The following IFNLR1 variants were observed in gnomAD, a reference collection of about 807,000 sequenced individuals.
The protein encoded by IFNLR1 is CRF2-12.
In IFNLR1, 28 loss-of-function variants were observed where a neutral mutation model predicts 52.5. That is an observed-to-expected ratio of 0.53 (90% CI 0.40 to 0.73). The LOEUF (loss-of-function observed/expected upper bound fraction) is 0.73, where lower values mean the gene tolerates loss of function less well. IFNLR1 is among the 30% of genes least tolerant of loss of function. The pLI, the probability that IFNLR1 is intolerant of heterozygous loss-of-function variation, is 0.00. For missense variants in IFNLR1, 623 were observed against 659.1 expected (o/e 0.95, Z 0.60); for synonymous variants, 276 against 274.9 (o/e 1.00, Z -0.04).
intron 2 of IFNLR1, among the ~76,000 whole-genome samples, chr1:24,171,181 A>G (rs1644574615): frequency 6.6e-6 from 1 of 152,248 alleles, no homozygotes; most frequent in Admixed American, 6.5e-5. Context: ...ACAGGTAGAA[A>G]GTGAACAGCC....
Position 24,176,585 on chromosome 1 carries a change from T to G in IFNLR1, c.182+4146A>C, listed in dbSNP as rs1195714032. Among the ~76,000 whole-genome samples the G allele has an allele frequency of 7.9e-5, 12 of 152,342 alleles. No homozygotes were observed. The East Asian group carries it at 2.3e-3, about 29-fold the overall frequency. On this transcript the variant is annotated intron_variant, in intron 2 of 6. Coordinates refer to ENST00000327535, the MANE Select transcript of IFNLR1 (RefSeq NM_170743.4). ...CGCTCTTAGCTACAAACATGTCAGC[T>G]AAAAGCAGACTAGAGTTTCAGGAAA...
intron 2 of IFNLR1, among the ~76,000 whole-genome samples, chr1:24,174,788 A>G (rs1413281979): frequency 2.6e-5 from 4 of 152,180 alleles, no homozygotes. Flanking sequence ...AATGTGAGAG[A>G]AGAGATATAT....
intron 2 of IFNLR1, among the ~76,000 whole-genome samples, chr1:24,178,053 G>A (rs1261503765): frequency 1.3e-5 from 2 of 152,096 alleles, no homozygotes; most frequent in Non-Finnish European, 2.9e-5. Flanking sequence ...GGGAGGCCGA[G>A]GGGGGCAGAT....
intron 2 of IFNLR1, 55 bp downstream of exon 2, chr1:24,180,669 CCCTCCAG>C: frequency 2.4e-6 from 3 of 1,256,246 alleles, no homozygotes; most frequent in Admixed American, 1.8e-5. Flanking sequence ...CCAGAGAAGC[CCCTCCAG>C]CCCCCACCCA....
At chr1:24,160,510 T>A (rs1186825883) in intron 4 of IFNLR1, among the ~76,000 whole-genome samples, 2 of 152,242 alleles carry the variant, frequency 1.3e-5, no homozygotes, top group South Asian at 4.1e-4. Context: ...AAACTGCACA[T>A]GTGGCTTGCA....
chr1:24,182,002 C>G (rs976884854), intron 1 of IFNLR1, among the ~76,000 whole-genome samples: 1 of 152,120 alleles, frequency 6.6e-6, no homozygotes, highest in African/African-American at 2.4e-5. Flanking sequence ...AATTCAAGAC[C>G]AGTCTTGGCC....
intron 3 of IFNLR1, among the ~76,000 whole-genome samples, chr1:24,168,588 C>T (rs902857471): frequency 6.7e-6 from 1 of 150,118 alleles, no homozygotes; most frequent in Non-Finnish European, 1.5e-5. Context: ...TAAAAATAGA[C>T]TGAAAAAAAA....
chr1:24,176,647 G>A (rs1450853272), intron 2 of IFNLR1, among the ~76,000 whole-genome samples: 1 of 152,168 alleles, frequency 6.6e-6, no homozygotes, highest in African/African-American at 2.4e-5. Flanking sequence ...CAAATAAGAT[G>A]TTGAATAATC....
intron 3 of IFNLR1, among the ~76,000 whole-genome samples, chr1:24,168,825 C>A (rs188804945): frequency 5.5e-4 from 84 of 152,220 alleles, no homozygotes; most frequent in African/African-American, 2.0e-3. Context: ...CTCACTGCAA[C>A]CTCCGCCTCC....
Position 24,161,757 on chromosome 1 carries a change from C to G in IFNLR1, c.368-73G>C, listed in dbSNP as rs1644446605. The G allele has an allele frequency of 2.1e-6, 3 of 1,403,022 alleles. No individual in the cohort carries two copies. The South Asian group carries it at 4.6e-5, about 22-fold the overall frequency. The allele number at this position is 1,403,022 out of a possible 1,614,324, so 86.9% of individuals were successfully genotyped here. A position where few individuals can be genotyped will look rare whatever the true frequency, so the allele number is the denominator to read the frequency against. On this transcript the variant is annotated intron_variant, in intron 3 of 6. Coordinates refer to ENST00000327535, the MANE Select transcript of IFNLR1 (RefSeq NM_170743.4). ...GCCTCCATCCCCCAAGACCAGAGAG[C>G]TCTCTTGGAAATGGAAAAGCAACTA...
intron 2 of IFNLR1, among the ~76,000 whole-genome samples, chr1:24,173,095 G>A (rs1028221863): frequency 5.5e-5 from 8 of 145,780 alleles, no homozygotes; most frequent in African/African-American, 2.1e-4. Context: ...CTGATATACT[G>A]GATTTTATCA....
At position 24,157,757 on chromosome 1, in the gene IFNLR1, G is replaced by A; in HGVS notation, c.936C>T (p.Ala312=). The change falls in exon 7 of 7, where the codon GCC becomes GCT. Residue 312 remains alanine, a synonymous_variant. Transcript: ENST00000327535. This position sits in a 1 kb window ranked among gnomAD's most constrained non-coding sequence, Gnocchi z 5.1. ...VRPTPRVRAP[A]TQQTRWKKDL... ...CCTTCTTCCATCTTGTCTGTTGGGT[G>A]GCTGGGGCCCTGACTCGAGGCGTCG... 1 of 1,614,194 alleles carries A rather than the reference G, an allele frequency of 6.2e-7. No individual in the cohort carries two copies. Among genetic ancestry groups the A allele is most frequent in the Non-Finnish European group, 8.5e-7 (1 of 1,180,040 alleles).
chr1:24,181,049 C>T (rs1644685914), intron 1 of IFNLR1, among the ~76,000 whole-genome samples, 195 bp from the exon 2 acceptor site: 1 of 152,136 alleles, frequency 6.6e-6, no homozygotes, highest in Non-Finnish European at 1.5e-5. Flanking sequence ...CTCCTGCACA[C>T]TCTGGGACCG....
chr1:24,180,634 G>T, intron 2 of IFNLR1, 97 bp downstream of exon 2: 1 of 1,246,360 alleles, frequency 8.0e-7, no homozygotes, highest in Non-Finnish European at 1.1e-6. Context: ...GCTAGCCAGT[G>T]CTGCCCACAC....
chr1:24,178,722 T>C (rs1172062596), intron 2 of IFNLR1, among the ~76,000 whole-genome samples: 1 of 152,164 alleles, frequency 6.6e-6, no homozygotes, highest in African/African-American at 2.4e-5. Flanking sequence ...CTTTGGGAGA[T>C]GATAAGGAAC....
rs1446937032 is a variant in IFNLR1, at chr1:24,187,276, G to T, written c.-28C>A. On this transcript the variant is annotated 5_prime_UTR_variant, in exon 1 of 7. Transcript: ENST00000327535. ...CCTTCCTGCCGCGGCGTCCCCGCCC[G>T]GGCCCAGGTCCCCGCCTCCCGCCTC... is the stretch of plus-strand genomic sequence containing the variant. 8.1e-7 allele frequency: 1 copy of T among 1,232,966 alleles called. No individual in the cohort carries two copies. Among genetic ancestry groups the T allele is most frequent in the Non-Finnish European group, 1.0e-6 (1 of 981,234 alleles). 76.4% of individuals were successfully genotyped at this position (1,232,966 alleles called of 1,614,324 possible). A position where few individuals can be genotyped will look rare whatever the true frequency, so the allele number is the denominator to read the frequency against.
intron 1 of IFNLR1, 88 bp downstream of exon 1, chr1:24,187,103 C>T: frequency 2.3e-6 from 2 of 868,858 alleles, no homozygotes; most frequent in Non-Finnish European, 3.2e-6. Flanking sequence ...GACCCCGTGC[C>T]TGTCCCAGGA....
At chr1:24,170,923 A>G (rs1178404519) in intron 2 of IFNLR1, among the ~76,000 whole-genome samples, 2 of 152,222 alleles carry the variant, frequency 1.3e-5, no homozygotes, top group Non-Finnish European at 2.9e-5. Context: ...AGATTTTGAG[A>G]AAGAACCAAT....
At position 24,187,216 on chromosome 1, in the gene IFNLR1, G is replaced by C; in HGVS notation, c.33C>G (p.Leu11=). Residue 11 remains leucine (L), a synonymous_variant, in exon 1 of 7, where the codon CTC becomes CTG. Coordinates refer to ENST00000327535, the MANE Select transcript of IFNLR1 (RefSeq NM_170743.4). The part of the protein sequence containing the change: MAGPERWGPL[L]LCLLQAAPGR... Reference sequence around the variant, plus strand: ...CTGGAGCGGCCTGCAGCAGGCACAGGAGCAGGGGGCCCCAGCGCTCGGGCC... The same window carrying C: ...CTGGAGCGGCCTGCAGCAGGCACAGCAGCAGGGGGCCCCAGCGCTCGGGCC... 7.7e-7 allele frequency: 1 copy of C among 1,303,136 alleles called. No individual in the cohort carries two copies. The allele number at this position is 1,303,136 out of a possible 1,614,324, so 80.7% of individuals were successfully genotyped here.
Sources: gnomAD v4.1 joint callset for allele counts (sites outside exome capture counted in the v4.1 genomes callset) on GRCh38, gnomAD v4.1.1 for gene constraint, Gnocchi (gnomAD v3.1) non-coding constraint, MANE v1.5 for transcripts, NCBI Gene and HGNC (gene_info 2026-07-23, HGNC 2026-07-21) for gene names.